The following ANTXRL variants were observed in gnomAD, a reference collection of about 807,000 sequenced individuals.
ANTXRL encodes the protein anthrax toxin receptor-like.
ANTXRL carries 63 observed loss-of-function variants against 75.4 expected under a neutral mutation model. The ratio of observed to expected loss-of-function variants is 0.84; its 90% CI spans 0.68 to 1.03. ANTXRL has a LOEUF of 1.03. Among genes scored for constraint, ANTXRL ranks in the 50% least tolerant of loss-of-function variants. ANTXRL has a pLI of 0.00. For missense variants in ANTXRL, 797 were observed against 789.4 expected, an observed-to-expected ratio of 1.01 and a Z score of -0.12; for synonymous variants, 335 against 291.3, an observed-to-expected ratio of 1.15 and a Z score of -1.53.
upstream of ANTXRL, among the ~76,000 whole-genome samples, chr10:46,286,700 T>A (rs1836780234): frequency 6.6e-6 from 1 of 152,162 alleles, no homozygotes; most frequent in Non-Finnish European, 1.5e-5. Flanking sequence ...TGCCATCTCC[T>A]GGGGGACTTC....
rs1839391249 is a variant in ANTXRL, at chr10:46,329,613, C to T, written c.1425C>T (p.Ser475=). The stretch of plus-strand genomic sequence containing the variant: ...CTTCCCTACAGGGGAGGTACCTCAG[C>T]TTAGCCCTTGCACAGTCCCAATATG... ...CQSRDQGRYL[S]LALAQSQYAQ... is the part of the protein sequence containing the mutation. Residue 475 remains serine, a synonymous_variant, in exon 17 of 17, where the codon AGC becomes AGT. Coordinates refer to ENST00000620264, the MANE Select transcript of ANTXRL (RefSeq NM_001278688.3). 2 of 1,536,086 alleles carry T rather than the reference C, an allele frequency of 1.3e-6. No homozygotes were observed. Among genetic ancestry groups the T allele is most frequent in the Non-Finnish European group, 1.7e-6 (2 of 1,146,592 alleles).
At chr10:46,291,928 AC>A (rs1588783468) in intron 1 of ANTXRL, 129 bp from the exon 2 acceptor site, 1 of 799,636 alleles carries the variant, frequency 1.3e-6, no homozygotes, top group Non-Finnish European at 2.0e-6. Context: ...CTGGGGGTGT[AC>A]CCCAGCCTCA....
At chr10:46,310,319 C>T in intron 13 of ANTXRL, 142 bp from the exon 14 acceptor site, 2 of 791,048 alleles carry the variant, frequency 2.5e-6, no homozygotes, top group South Asian at 1.5e-5. Context: ...TACAAGTTCA[C>T]AGGCTCAGGG....
chr10:46,295,912 C>A, intron 3 of ANTXRL, 107 bp from the exon 4 acceptor site: 1 of 900,620 alleles, frequency 1.1e-6, no homozygotes, highest in Non-Finnish European at 1.7e-6. Context: ...GCCCCTCCTT[C>A]ATCCAGGAGG....
intron 1 of ANTXRL, among the ~76,000 whole-genome samples, chr10:46,289,940 A>G (rs1367872606): frequency 2.0e-5 from 3 of 151,992 alleles, no homozygotes; most frequent in South Asian, 2.1e-4. Context: ...TTCACTTAGC[A>G]TAATGTTTTC....
chr10:46,306,781 T>C, intron 10 of ANTXRL, 22 bp from the exon 11 acceptor site: 1 of 1,511,082 alleles, frequency 6.6e-7, no homozygotes, highest in Non-Finnish European at 8.8e-7. Context: ...ACTGACATTC[T>C]TCTCATGTCA....
chr10:46,286,534 C>T (rs1836773637), upstream of ANTXRL: 1 of 152,246 alleles, frequency 6.6e-6, no homozygotes, highest in African/African-American at 2.4e-5. Context: ...CTAACTCCGC[C>T]CTGAGTGCCT....
At chr10:46,314,544 G>C in intron 16 of ANTXRL, among the ~76,000 whole-genome samples, 1 of 152,112 alleles carries the variant, frequency 6.6e-6, no homozygotes, top group South Asian at 2.1e-4. Flanking sequence ...GGCCAGAAAT[G>C]GCCTTACTGT....
intron 16 of ANTXRL, among the ~76,000 whole-genome samples, chr10:46,315,275 CA>C (rs1436723589): frequency 6.6e-6 from 1 of 152,228 alleles, no homozygotes; most frequent in Admixed American, 6.5e-5. Flanking sequence ...CTGCCTGAGC[CA>C]GGGGTCCCTG....
Position 46,329,623 on chromosome 10 carries a change from G to C in ANTXRL, c.1435G>C (p.Ala479Pro). The C allele has an allele frequency of 6.5e-7, 1 of 1,536,360 alleles. No homozygotes were observed. Among genetic ancestry groups the C allele is most frequent in the Non-Finnish European group, 8.7e-7 (1 of 1,146,804 alleles). ...DQGRYLSLAL[A>P]QSQYAQAPCC... ...GGGGAGGTACCTCAGCTTAGCCCTT[G>C]CACAGTCCCAATATGCACAGGCTCC... The change falls in exon 17 of 17, where the codon GCA becomes CCA. Residue 479 changes from alanine to proline, a missense_variant. Coordinates refer to ENST00000620264, the MANE Select transcript of ANTXRL (RefSeq NM_001278688.3).
At chr10:46,324,327 C>T (rs4414152) in intron 16 of ANTXRL, among the ~76,000 whole-genome samples, 12,957 of 152,128 alleles carry the variant, frequency 0.085, 1,814 homozygotes, top group African/African-American at 0.3. Flanking sequence ...AACCGGAATG[C>T]TAAAGAAGGC....
chr10:46,302,133 T>C (rs529998459), intron 9 of ANTXRL, among the ~76,000 whole-genome samples: 1 of 152,188 alleles, frequency 6.6e-6, no homozygotes, highest in Non-Finnish European at 1.5e-5. Context: ...CTGTGATGGA[T>C]TCCCTTGAGC....
At chr10:46,311,370 T>C in intron 14 of ANTXRL, 140 bp from the exon 15 acceptor site, 3 of 1,212,264 alleles carry the variant, frequency 2.5e-6, no homozygotes, top group Non-Finnish European at 3.3e-6. Flanking sequence ...AGGAGGAGTT[T>C]GCGTGTTTTT....
At position 46,329,939 on chromosome 10, in the gene ANTXRL, TC is replaced by T; in HGVS notation, c.1756del (p.Leu586SerfsTer15). ...TGCCTTCAACCCAGCCGGGAGTGCC[TC>T]CCCCTCACCTGCTCCTCCAGGTGCC... ...KSCLQPSRECLPLTCSSRCRL... is the reference protein window; with the variant it reads ...KSCLQPSRECXPLTCSSRCRL... On this transcript the variant is annotated frameshift_variant, in exon 17 of 17. Transcript: ENST00000620264. LOFTEE classifies it high-confidence loss of function. The T allele has an allele frequency of 6.5e-7, 1 of 1,534,880 alleles. No individual in the cohort carries two copies. Among genetic ancestry groups the T allele is most frequent in the Non-Finnish European group, 8.7e-7 (1 of 1,146,494 alleles).
chr10:46,305,698 C>G (rs1838038190), intron 10 of ANTXRL, among the ~76,000 whole-genome samples: 1 of 151,984 alleles, frequency 6.6e-6, no homozygotes, highest in African/African-American at 2.4e-5. Flanking sequence ...TGAGAATGTT[C>G]CATGTCTACA....
At chr10:46,324,715 G>A (rs1839134102) in intron 16 of ANTXRL, among the ~76,000 whole-genome samples, 1 of 152,008 alleles carries the variant, frequency 6.6e-6, no homozygotes, top group Non-Finnish European at 1.5e-5. Flanking sequence ...AAATATTCAG[G>A]TGTTTTAGAA....
chr10:46,301,826 C>T (rs1439330194), intron 9 of ANTXRL, among the ~76,000 whole-genome samples: 1 of 152,180 alleles, frequency 6.6e-6, no homozygotes, highest in African/African-American at 2.4e-5. Context: ...GTGCATGGAC[C>T]GGGGGCGCCC....
intron 1 of ANTXRL, among the ~76,000 whole-genome samples, chr10:46,291,595 C>T (rs7088273): frequency 0.64 from 96,481 of 151,924 alleles, 30,208 homozygotes; most frequent in African/African-American, 0.67. Flanking sequence ...CAGCAATGTT[C>T]TATAGTTTTC....
chr10:46,308,542 G>T, intron 12 of ANTXRL: 1 of 432,198 alleles, frequency 2.3e-6, no homozygotes, highest in South Asian at 1.7e-5. Flanking sequence ...CCTTTATTGC[G>T]AAGAACACCC....
Sources: gnomAD v4.1 joint callset for allele counts (sites outside exome capture counted in the v4.1 genomes callset) on GRCh38, gnomAD v4.1.1 for gene constraint, MANE v1.5 for transcripts, NCBI Gene and HGNC (gene_info 2026-07-23, HGNC 2026-07-21) for gene names.